The following USP32 variants were observed in gnomAD, a reference collection of about 807,000 sequenced individuals.
USP32 encodes ubiquitin specific peptidase 32.
USP32 carries 59 observed loss-of-function variants against 204.8 expected under a neutral mutation model. The ratio of observed to expected loss-of-function variants is 0.29; its 90% CI spans 0.23 to 0.36. The LOEUF (loss-of-function observed/expected upper bound fraction) is 0.36, where lower values mean the gene tolerates loss of function less well. Ranked by LOEUF, USP32 falls within the 10% of genes least tolerant of loss-of-function variation. The pLI is 1.00. For missense variants in USP32, 1,160 were observed against 1,946.4 expected, an observed-to-expected ratio of 0.60 and a Z score of 7.60; for synonymous variants, 517 against 678.4, an observed-to-expected ratio of 0.76 and a Z score of 3.70.
Position 60,252,448 on chromosome 17 carries a change from GA to G in USP32, c.1075-7del. On this transcript the variant is annotated splice_polypyrimidine_tract_variant and splice_region_variant and intron_variant, in intron 10 of 33. Transcript: ENST00000300896. The stretch of plus-strand genomic sequence containing the variant: ...CCCAGAACTATGTGACACACCTAGG[GA>G]AAAAAATGGTAAATCAAAGTTTATT... 13 of 1,599,994 alleles carry G rather than the reference GA, an allele frequency of 8.1e-6. No homozygotes were observed. The highest frequency in any genetic ancestry group is 4.5e-5 in the South Asian group (4 of 88,108).
intron 11 of USP32, among the ~76,000 whole-genome samples, chr17:60,248,735 T>C (rs943382001): frequency 6.6e-6 from 1 of 152,248 alleles, no homozygotes; most frequent in Admixed American, 6.5e-5. Flanking sequence ...AAATACAGCT[T>C]CGTTTAGCTC....
At chr17:60,276,825 A>C (rs2086849843) in intron 5 of USP32, among the ~76,000 whole-genome samples, 1 of 152,118 alleles carries the variant, frequency 6.6e-6, no homozygotes, top group African/African-American at 2.4e-5. Flanking sequence ...CATGGTCACC[A>C]GTGAAAAACA....
At chr17:60,241,136 T>G (rs2085865981) in intron 11 of USP32, among the ~76,000 whole-genome samples, 1 of 152,218 alleles carries the variant, frequency 6.6e-6, no homozygotes, top group Non-Finnish European at 1.5e-5. Flanking sequence ...TAGCTGGAAC[T>G]ACAGGTGTGC....
At chr17:60,240,383 T>C (rs944385289) in intron 11 of USP32, among the ~76,000 whole-genome samples, 2 of 152,144 alleles carry the variant, frequency 1.3e-5, no homozygotes, top group African/African-American at 4.8e-5. Flanking sequence ...ATTTCACTTG[T>C]GTTCGAAGAG....
intron 11 of USP32, among the ~76,000 whole-genome samples, chr17:60,246,415 T>A (rs7213912): frequency 0.41 from 55,179 of 135,644 alleles, 10,751 homozygotes; most frequent in African/African-American, 0.57. Context: ...ATATATATAT[T>A]TTTTTTTTTT....
At chr17:60,308,898 T>C (rs905780607) in intron 2 of USP32, among the ~76,000 whole-genome samples, 2 of 152,106 alleles carry the variant, frequency 1.3e-5, no homozygotes, top group Non-Finnish European at 2.9e-5. Flanking sequence ...CACTGCACTC[T>C]AGCCTGGTGA....
intron 4 of USP32, among the ~76,000 whole-genome samples, chr17:60,289,437 A>G (rs1248939661): frequency 6.6e-5 from 10 of 152,208 alleles, no homozygotes; most frequent in Admixed American, 6.5e-4. Context: ...TACTCTTTAA[A>G]TTTCATTTGT....
At chr17:60,367,070 G>GC (rs930913160) in intron 1 of USP32, among the ~76,000 whole-genome samples, 5 of 151,932 alleles carry the variant, frequency 3.3e-5, no homozygotes, top group East Asian at 3.9e-4. Flanking sequence ...CTTGTGATCC[G>GC]CCCCCCTTGG....
At position 60,228,495 on chromosome 17, in the gene USP32, CTTTTTCTTTTTT is replaced by C. The variant is rs1409031032; in HGVS notation, c.1240-2276_1240-2265del. 5.4e-3 allele frequency among the ~76,000 whole-genome samples: 732 copies of C among 135,788 alleles called. 26 individuals carry two copies. The highest frequency in any genetic ancestry group is 0.047 in the Admixed American group (667 of 14,044). The allele number at this position is 135,788 out of a possible 152,430, so 89.1% of individuals were successfully genotyped here. On this transcript the variant is annotated intron_variant, in intron 12 of 33. Coordinates refer to ENST00000300896, the MANE Select transcript of USP32 (RefSeq NM_032582.4). ...GACATTTAAATTAGGTTTCTTTTTT[CTTTTTCTTTTTT>C]TTTTTTTTTTTAATTAAAACAAGTT... is the stretch of plus-strand genomic sequence containing the variant.
intron 15 of USP32, 127 bp downstream of exon 15, chr17:60,222,282 G>A: frequency 9.3e-7 from 1 of 1,069,754 alleles, no homozygotes; most frequent in Non-Finnish European, 1.3e-6. Flanking sequence ...AATCCACACA[G>A]GTTCAGAACA....
At chr17:60,198,571 C>T in intron 26 of USP32, 127 bp from the exon 27 acceptor site, 1 of 1,185,232 alleles carries the variant, frequency 8.4e-7, no homozygotes, top group Non-Finnish European at 1.2e-6. Flanking sequence ...TCACATTCTT[C>T]TCTGTATTTA....
intron 2 of USP32, among the ~76,000 whole-genome samples, chr17:60,306,281 A>G (rs1463018064): frequency 6.6e-6 from 1 of 152,156 alleles, no homozygotes; most frequent in Non-Finnish European, 1.5e-5. Context: ...TTTGAAAAGC[A>G]CTTAATAAAG....
intron 1 of USP32, among the ~76,000 whole-genome samples, chr17:60,398,352 G>A (rs934528075): frequency 3.9e-5 from 6 of 151,988 alleles, no homozygotes; most frequent in African/African-American, 7.3e-5. Flanking sequence ...CCATGACTGC[G>A]TCACTGCACT....
At chr17:60,368,267 T>C (rs2089357902) in intron 1 of USP32, among the ~76,000 whole-genome samples, 1 of 152,234 alleles carries the variant, frequency 6.6e-6, no homozygotes, top group African/African-American at 2.4e-5. Flanking sequence ...CACTGGATAG[T>C]ATAATGCTTC....
chr17:60,216,334 G>C (rs527327241), intron 16 of USP32, among the ~76,000 whole-genome samples: 1 of 148,616 alleles, frequency 6.7e-6, no homozygotes, highest in Non-Finnish European at 1.5e-5. Flanking sequence ...TAACTACTCC[G>C]CCAAAAATCT....
chr17:60,262,434 C>A (rs1446454511), intron 9 of USP32, among the ~76,000 whole-genome samples: 1 of 152,194 alleles, frequency 6.6e-6, no homozygotes, highest in African/African-American at 2.4e-5. Context: ...TCAGGTGATC[C>A]GCCCACTGTG....
chr17:60,376,273 T>C (rs1378682090), intron 1 of USP32, among the ~76,000 whole-genome samples: 2 of 151,668 alleles, frequency 1.3e-5, no homozygotes, highest in African/African-American at 4.8e-5. Context: ...TTGCACAATA[T>C]ATATTTTATG....
intron 11 of USP32, among the ~76,000 whole-genome samples, chr17:60,246,977 G>A (rs2086043914): frequency 6.6e-6 from 1 of 152,104 alleles, no homozygotes; most frequent in Non-Finnish European, 1.5e-5. Context: ...CTCCTATTCT[G>A]TTGGTTGTCT....
chr17:60,421,401 C>G (rs1413233988), intron 1 of USP32: 1 of 985,538 alleles, frequency 1.0e-6, no homozygotes, highest in Non-Finnish European at 1.2e-6. Flanking sequence ...TCTCCTGTGC[C>G]CGAGGTGGCC....
Sources: gnomAD v4.1 joint callset for allele counts (sites outside exome capture counted in the v4.1 genomes callset) on GRCh38, gnomAD v4.1.1 for gene constraint, MANE v1.5 for transcripts, NCBI Gene and HGNC (gene_info 2026-07-23, HGNC 2026-07-21) for gene names.